ANTXR1: variants seen among roughly 807,000 people sequenced by gnomAD.
ANTXR1 encodes the protein ANTXR cell adhesion molecule 1.
In ANTXR1, 19 loss-of-function variants were observed where a neutral mutation model predicts 78.1. The ratio of observed to expected loss-of-function variants is 0.24; its 90% CI spans 0.17 to 0.36. The LOEUF (loss-of-function observed/expected upper bound fraction) is 0.36, where lower values mean the gene tolerates loss of function less well. Among genes scored for constraint, ANTXR1 ranks in the 10% least tolerant of loss-of-function variants. ANTXR1 has a pLI of 1.00. For synonymous variants in ANTXR1, 273 were observed against 260.5 expected (o/e 1.05, Z -0.46); for missense variants, 518 against 718.6 (o/e 0.72, Z 3.19).
chr2:69,193,454 C>CTG, intron 17 of ANTXR1, 39 bp downstream of exon 17: 1 of 1,325,156 alleles, frequency 7.5e-7, no homozygotes, highest in African/African-American at 1.8e-5. Flanking sequence ...CTCTCTCTCT[C>CTG]TCTCTCACAT....
At chr2:69,114,092 A>G (rs978065157) in intron 10 of ANTXR1, among the ~76,000 whole-genome samples, 3 of 152,230 alleles carry the variant, frequency 2.0e-5, no homozygotes, top group African/African-American at 7.2e-5. Flanking sequence ...CAAATGCCAC[A>G]GAATTATATG....
chr2:69,065,856 T>C (rs991537176), intron 3 of ANTXR1, among the ~76,000 whole-genome samples: 6 of 152,306 alleles, frequency 3.9e-5, no homozygotes, highest in Non-Finnish European at 7.4e-5. Context: ...TAGTCAACAA[T>C]TGGAGCCATA....
intron 10 of ANTXR1, among the ~76,000 whole-genome samples, chr2:69,119,408 G>T (rs939642171): frequency 1.3e-5 from 2 of 152,212 alleles, no homozygotes; most frequent in Non-Finnish European, 2.9e-5. Flanking sequence ...GTACTCCCAG[G>T]TACTGCTGGT....
At chr2:69,157,309 C>A (rs933930481) in intron 13 of ANTXR1, among the ~76,000 whole-genome samples, 5 of 151,996 alleles carry the variant, frequency 3.3e-5, no homozygotes, top group Middle Eastern at 3.2e-3. Flanking sequence ...TGCCTTCCAC[C>A]CTCTTCTCTA....
intron 12 of ANTXR1, among the ~76,000 whole-genome samples, chr2:69,146,790 G>A (rs769949821): frequency 6.6e-6 from 1 of 152,226 alleles, no homozygotes; most frequent in African/African-American, 2.4e-5. Context: ...ACAACTCCGC[G>A]AGGGGGACCT....
chr2:69,245,625 C>A lies in ANTXR1; in HGVS notation c.*140C>A. On this transcript the variant is annotated 3_prime_UTR_variant, in exon 18 of 18. Coordinates refer to ENST00000303714, the MANE Select transcript of ANTXR1 (RefSeq NM_032208.3). ...AAATTGGTTGGCAATGCCAGTATAC[C>A]AACAATCATGATCAGCTGAAAGAAA... The A allele has an allele frequency of 8.6e-7, 1 of 1,166,258 alleles. No homozygotes were observed. Among genetic ancestry groups the A allele is most frequent in the Non-Finnish European group, 1.2e-6 (1 of 824,574 alleles). The allele number at this position is 1,166,258 out of a possible 1,614,324, so 72.2% of individuals were successfully genotyped here.
intron 8 of ANTXR1, among the ~76,000 whole-genome samples, chr2:69,078,717 G>T (rs376181474): frequency 6.6e-6 from 1 of 152,184 alleles, no homozygotes; most frequent in African/African-American, 2.4e-5. Context: ...GATTACTGGT[G>T]AAAATGCCTA....
At chr2:69,143,776 T>C (rs1297982573) in intron 12 of ANTXR1, among the ~76,000 whole-genome samples, 1 of 151,980 alleles carries the variant, frequency 6.6e-6, no homozygotes. Flanking sequence ...GATGACCTCC[T>C]AGGGCATGCT....
chr2:69,225,610 G>C (rs186286154), intron 17 of ANTXR1, among the ~76,000 whole-genome samples: 1 of 152,114 alleles, frequency 6.6e-6, no homozygotes, highest in Admixed American at 6.5e-5. Flanking sequence ...TGCTCAGCTC[G>C]CTACCAGAGG....
At chr2:69,120,118 G>A (rs1672292312) in intron 10 of ANTXR1, among the ~76,000 whole-genome samples, 3 of 152,114 alleles carry the variant, frequency 2.0e-5, no homozygotes, top group Admixed American at 6.5e-5. Flanking sequence ...AAACATGTTC[G>A]AAACACTGAC....
At chr2:69,152,538 A>G (rs1042376001) in intron 13 of ANTXR1, among the ~76,000 whole-genome samples, 1 of 152,150 alleles carries the variant, frequency 6.6e-6, no homozygotes, top group African/African-American at 2.4e-5. Context: ...CTTAGGGAAG[A>G]TCCACAGGAC....
At chr2:69,104,348 A>G (rs541064239) in intron 10 of ANTXR1, among the ~76,000 whole-genome samples, 1 of 152,324 alleles carries the variant, frequency 6.6e-6, no homozygotes, top group African/African-American at 2.4e-5. Flanking sequence ...TTAAACAGAC[A>G]CATGCTGTGT....
chr2:69,027,391 G>C (rs1671376988), intron 1 of ANTXR1, among the ~76,000 whole-genome samples: 1 of 152,122 alleles, frequency 6.6e-6, no homozygotes, highest in Non-Finnish European at 1.5e-5. Flanking sequence ...GTAGAGGCCA[G>C]GCCAAAGCAT....
At chr2:69,030,911 A>C (rs1671512757) in intron 1 of ANTXR1, among the ~76,000 whole-genome samples, 1 of 152,206 alleles carries the variant, frequency 6.6e-6, no homozygotes, top group Non-Finnish European at 1.5e-5. Flanking sequence ...AATTTAGAAA[A>C]AAACGAGTCT....
intron 3 of ANTXR1, among the ~76,000 whole-genome samples, chr2:69,050,256 GCCAATACAC>G (rs1318821225): frequency 6.6e-6 from 1 of 152,032 alleles, no homozygotes; most frequent in African/African-American, 2.4e-5. Context: ...CCGTAATCAT[GCCAATACAC>G]TCCAGCCTGG....
intron 3 of ANTXR1, among the ~76,000 whole-genome samples, chr2:69,061,444 G>A (rs1670241179): frequency 6.9e-6 from 1 of 144,238 alleles, no homozygotes; most frequent in Non-Finnish European, 1.5e-5. Flanking sequence ...GTCTTAGAGG[G>A]AAAAATACAT....
chr2:69,063,174 C>T (rs1243211858), intron 3 of ANTXR1, among the ~76,000 whole-genome samples: 2 of 151,830 alleles, frequency 1.3e-5, no homozygotes, highest in African/African-American at 4.8e-5. Flanking sequence ...GATCCACACA[C>T]AGATCCAAGA....
intron 16 of ANTXR1, among the ~76,000 whole-genome samples, chr2:69,192,824 T>C (rs1287426738): frequency 6.6e-6 from 1 of 152,166 alleles, no homozygotes; most frequent in African/African-American, 2.4e-5. Context: ...TCAGAGCAAG[T>C]TATAGCTGCT....
rs1190820657 is a variant in ANTXR1 at position 69,188,648 on chromosome 2, G to A, written c.1354-4687G>A. On this transcript the variant is annotated intron_variant, in intron 16 of 17. Coordinates refer to ENST00000303714, the MANE Select transcript of ANTXR1 (RefSeq NM_032208.3). ...GTCAGCTAATACAATCTGCCAGAGG[G>A]CTTGAGGCTTGTGGATAAATCTTTG... Among the ~76,000 whole-genome samples the A allele has an allele frequency of 6.6e-5, 10 of 152,236 alleles. No individual in the cohort carries two copies. The East Asian group carries it at 9.6e-4, about 15-fold the overall frequency.
Sources: gnomAD v4.1 joint callset for allele counts (sites outside exome capture counted in the v4.1 genomes callset) on GRCh38, gnomAD v4.1.1 for gene constraint, MANE v1.5 for transcripts, NCBI Gene and HGNC (gene_info 2026-07-23, HGNC 2026-07-21) for gene names.